Variants in CDH9 observed in about 807,000 individuals in gnomAD.
The protein encoded by CDH9 is cadherin-9.
Under a neutral mutation model 70.9 loss-of-function variants are expected in CDH9, and 28 were observed. The observed-to-expected ratio is 0.40, with a 90% CI of 0.29 to 0.54. CDH9 has a LOEUF of 0.54. Among genes scored for constraint, CDH9 ranks in the 20% least tolerant of loss-of-function variants. The pLI, the probability that CDH9 is intolerant of heterozygous loss-of-function variation, is 0.59. For synonymous variants in CDH9, 409 were observed against 343.1 expected, an observed-to-expected ratio of 1.19 and a Z score of -2.12; for missense variants, 874 against 984.4, an observed-to-expected ratio of 0.89 and a Z score of 1.50.
chr5:26,986,707 C>T (rs1742493621), intron 2 of CDH9, among the ~76,000 whole-genome samples: 1 of 152,032 alleles, frequency 6.6e-6, no homozygotes, highest in African/African-American at 2.4e-5. Flanking sequence ...CTTGGAGAAT[C>T]GTAAGGCAAT....
chr5:26,906,377 A>G (rs1740949531), intron 4 of CDH9, among the ~76,000 whole-genome samples: 1 of 152,186 alleles, frequency 6.6e-6, no homozygotes, highest in Non-Finnish European at 1.5e-5. Context: ...AATTAACTTC[A>G]GTCAAAAATC....
chr5:27,003,340 G>T (rs1742804323), intron 1 of CDH9, among the ~76,000 whole-genome samples: 1 of 152,128 alleles, frequency 6.6e-6, no homozygotes, highest in Admixed American at 6.6e-5. Context: ...AATAATGTAT[G>T]TGAATACTCT....
chr5:26,990,167 T>C (rs1277288413), intron 1 of CDH9, among the ~76,000 whole-genome samples: 1 of 152,144 alleles, frequency 6.6e-6, no homozygotes, highest in Non-Finnish European at 1.5e-5. Flanking sequence ...ATCATTATCA[T>C]TGTCATCATC....
At chr5:26,888,083 C>T (rs1007947638) in intron 9 of CDH9, among the ~76,000 whole-genome samples, 1 of 151,262 alleles carries the variant, frequency 6.6e-6, no homozygotes, top group African/African-American at 2.4e-5. Context: ...TTTAAGTCCA[C>T]ATTTTTATGA....
chr5:27,004,807 A>G (rs1042992247), intron 1 of CDH9, among the ~76,000 whole-genome samples: 4 of 152,162 alleles, frequency 2.6e-5, no homozygotes, highest in African/African-American at 9.6e-5. Context: ...TTTAACATCC[A>G]AGTGGAAATA....
At chr5:26,902,922 C>G (rs1159614273) in intron 6 of CDH9, 193 bp from the exon 7 acceptor site, 4 of 514,326 alleles carry the variant, frequency 7.8e-6, no homozygotes, top group Non-Finnish European at 1.0e-5. Context: ...AGAGGGTTAA[C>G]TTAATATAAT....
chr5:26,962,658 C>T (rs1455600584), intron 2 of CDH9, among the ~76,000 whole-genome samples: 1 of 152,030 alleles, frequency 6.6e-6, no homozygotes, highest in East Asian at 1.9e-4. Context: ...TTACTAACAA[C>T]CTGAAGTTTT....
At chr5:27,003,527 C>G (rs975263691) in intron 1 of CDH9, among the ~76,000 whole-genome samples, 1 of 152,148 alleles carries the variant, frequency 6.6e-6, no homozygotes, top group East Asian at 1.9e-4. Flanking sequence ...AGTAAGTACC[C>G]TCCTTACAAT....
At chr5:26,888,360 TAC>T (rs1045150477) in intron 9 of CDH9, among the ~76,000 whole-genome samples, 3 of 152,178 alleles carry the variant, frequency 2.0e-5, no homozygotes, top group African/African-American at 7.2e-5. Flanking sequence ...CAAAATGTAC[TAC>T]AGTGTTCATT....
chr5:26,997,370 A>G (rs948027792), intron 1 of CDH9, among the ~76,000 whole-genome samples: 2 of 152,094 alleles, frequency 1.3e-5, no homozygotes, highest in African/African-American at 4.8e-5. Context: ...TTGAATGGAA[A>G]TCCAGGGAAT....
intron 1 of CDH9, among the ~76,000 whole-genome samples, chr5:27,005,165 T>G (rs1742839608): frequency 6.6e-6 from 1 of 152,082 alleles, no homozygotes; most frequent in Non-Finnish European, 1.5e-5. Flanking sequence ...GCAAAATACA[T>G]TCAATTCTTT....
intron 2 of CDH9, among the ~76,000 whole-genome samples, chr5:26,961,656 TA>T (rs764712234): frequency 1.3e-5 from 2 of 152,012 alleles, no homozygotes; most frequent in African/African-American, 2.4e-5. Context: ...ATAAACAAAA[TA>T]AAAAAACTAA....
intron 1 of CDH9, among the ~76,000 whole-genome samples, chr5:26,990,800 A>G (rs1274796661): frequency 1.3e-5 from 2 of 152,196 alleles, no homozygotes. Flanking sequence ...TCCCACTGGT[A>G]GAATTTGTTT....
At chr5:26,885,524 T>C in intron 11 of CDH9, 90 bp downstream of exon 11, 1 of 1,029,562 alleles carries the variant, frequency 9.7e-7, no homozygotes, top group Non-Finnish European at 1.5e-6. Flanking sequence ...TCTTTATCTA[T>C]AGAGAAAATT....
chr5:26,898,817 A>C (rs1019558497), intron 7 of CDH9, among the ~76,000 whole-genome samples: 2 of 152,224 alleles, frequency 1.3e-5, no homozygotes, highest in African/African-American at 4.8e-5. Context: ...CAAAATTGAT[A>C]AATGAGATCT....
At chr5:27,027,346 T>C (rs184774283) in intron 1 of CDH9, among the ~76,000 whole-genome samples, 118 of 152,142 alleles carry the variant, frequency 7.8e-4, no homozygotes, top group African/African-American at 2.7e-3. Flanking sequence ...TCAAGAACAA[T>C]GAAATTAATC....
chr5:26,895,938 T>C (rs1740742124), intron 7 of CDH9, among the ~76,000 whole-genome samples: 1 of 151,976 alleles, frequency 6.6e-6, no homozygotes, highest in Admixed American at 6.6e-5. Flanking sequence ...CACACTATAA[T>C]TGGATATCTA....
At chr5:26,965,042 ACTACTAACTTTTAT>A (rs1742105929) in intron 2 of CDH9, among the ~76,000 whole-genome samples, 2 of 152,098 alleles carry the variant, frequency 1.3e-5, no homozygotes, top group Non-Finnish European at 2.9e-5. Flanking sequence ...AAAACTTCCA[ACTACTAACTTTTAT>A]TCTTATTGGT....
chr5:26,885,787 A>G lies in CDH9; in HGVS notation c.1709T>C (p.Ile570Thr). The G allele has an allele frequency of 6.2e-7, 1 of 1,613,968 alleles. No individual in the cohort carries two copies. Among genetic ancestry groups the G allele is most frequent in the Non-Finnish European group, 8.5e-7 (1 of 1,179,932 alleles). ...TTGAATTGGATAATCGTTGTCAAAG[A>G]TTAAAATCGGCAATAAGTAGGTGCT... is the stretch of plus-strand genomic sequence containing the variant. ...KMSTYLLPIL[I>T]FDNDYPIQSS... The change falls in exon 11 of 12, where the codon ATC becomes ACC. Residue 570 changes from isoleucine to threonine, a missense_variant. Transcript: ENST00000231021.
Sources: allele counts gnomAD v4.1 joint callset (sites outside exome capture counted in the v4.1 genomes callset), GRCh38; gene constraint gnomAD v4.1.1; transcripts MANE v1.5; gene names NCBI Gene and HGNC (gene_info 2026-07-23, HGNC 2026-07-21).